Variants in PPP1R21 observed in about 807,000 individuals in gnomAD.
PPP1R21 encodes the protein KLRAQ motif containing 1.
PPP1R21 carries 85 observed loss-of-function variants against 112.8 expected under a neutral mutation model. The observed-to-expected ratio is 0.75, with a 90% CI of 0.63 to 0.90. The LOEUF (loss-of-function observed/expected upper bound fraction) is 0.90, where lower values mean the gene tolerates loss of function less well. Among genes scored for constraint, PPP1R21 ranks in the 40% least tolerant of loss-of-function variants. The probability of loss-of-function intolerance (pLI) is 0.00; values close to 1 mark genes in which losing one functional copy is unlikely to be tolerated. For missense variants in PPP1R21, 1,199 were observed against 901.5 expected, an observed-to-expected ratio of 1.33 and a Z score of -4.23; for synonymous variants, 381 against 322.3, an observed-to-expected ratio of 1.18 and a Z score of -1.95.
At chr2:48,451,878 T>G (rs1329873767) in intron 2 of PPP1R21, among the ~76,000 whole-genome samples, 1 of 152,202 alleles carries the variant, frequency 6.6e-6, no homozygotes, top group Non-Finnish European at 1.5e-5. Flanking sequence ...GTGGCTCCAC[T>G]TAGGCAACTA....
chr2:48,447,178 C>A (rs1214211042), intron 1 of PPP1R21, among the ~76,000 whole-genome samples: 1 of 152,162 alleles, frequency 6.6e-6, no homozygotes, highest in Non-Finnish European at 1.5e-5. Flanking sequence ...GAGGCACAGG[C>A]TCTCTATGGG....
rs1186710522 is a variant in PPP1R21 at position 48,458,202 on chromosome 2, A to G, written c.350A>G (p.Glu117Gly). ...GATGAAGATCTGCAAAAGAAGATAG[A>G]AGAGAATGAACGGTTGCATATACAA... The part of the protein sequence containing the change: ...VFDEDLQKKI[E>G]ENERLHIQFF... Residue 117 changes from glutamate (E) to glycine (G), a missense_variant, in exon 4 of 22, where the codon GAA (glutamate) becomes GGA (glycine). Coordinates refer to ENST00000294952, the MANE Select transcript of PPP1R21 (RefSeq NM_001135629.3). The G allele has an allele frequency of 6.8e-6, 11 of 1,611,486 alleles. No homozygotes were observed. Among genetic ancestry groups the G allele is most frequent in the Non-Finnish European group, 9.3e-6 (11 of 1,178,102 alleles).
intron 21 of PPP1R21, among the ~76,000 whole-genome samples, chr2:48,513,991 T>C (rs1670755396): frequency 6.6e-6 from 1 of 152,126 alleles, no homozygotes; most frequent in South Asian, 2.1e-4. Context: ...CGTTTGGGTG[T>C]TAGTTAGCAC....
At chr2:48,478,622 AGTTATAGACCTAGT>A (rs2103884584) in intron 12 of PPP1R21, among the ~76,000 whole-genome samples, 1 of 152,318 alleles carries the variant, frequency 6.6e-6, no homozygotes, top group African/African-American at 2.4e-5. Context: ...TTACGGGTAT[AGTTATAGACCTAGT>A]GTACACCTAG....
Position 48,440,784 on chromosome 2 carries a change from C to A in PPP1R21, c.-170C>A, listed in dbSNP as rs548604397. On this transcript the variant is annotated 5_prime_UTR_variant, in exon 1 of 22. Transcript: ENST00000294952. ...CGGCCCCACTCCACCTTCCTCCCAC[C>A]CCGGGAACCCGGAAGTGGAGGAGGA... The A allele has an allele frequency of 3.7e-4, 229 of 619,894 alleles. No individual in the cohort carries two copies. The highest frequency in any genetic ancestry group is 5.9e-4 in the Non-Finnish European group (205 of 349,282). The allele number at this position is 619,894 out of a possible 1,614,324, so 38.4% of individuals were successfully genotyped here.
At chr2:48,448,596 C>T (rs73927969) in intron 1 of PPP1R21, among the ~76,000 whole-genome samples, 2 of 24,444 alleles carry the variant, frequency 8.2e-5, no homozygotes, top group African/African-American at 2.8e-4. Flanking sequence ...TAAAATCTAA[C>T]GTCTTTAGAT....
intron 15 of PPP1R21, among the ~76,000 whole-genome samples, chr2:48,491,718 G>A (rs1425607969): frequency 6.6e-6 from 1 of 151,964 alleles, no homozygotes; most frequent in Non-Finnish European, 1.5e-5. Context: ...ACTATAAAAA[G>A]CAGAATGTAT....
At chr2:48,505,459 C>T in intron 17 of PPP1R21, 105 bp from the exon 18 acceptor site, 1 of 829,558 alleles carries the variant, frequency 1.2e-6, no homozygotes, top group Non-Finnish European at 2.0e-6. Flanking sequence ...GTTCTGTACC[C>T]TCAATGCTCT....
At chr2:48,443,293 C>T (rs777052886) in intron 1 of PPP1R21, among the ~76,000 whole-genome samples, 15 of 152,104 alleles carry the variant, frequency 9.9e-5, no homozygotes, top group Non-Finnish European at 1.5e-4. Flanking sequence ...AAGAAGAGCC[C>T]GTTCAGAGTG....
intron 21 of PPP1R21, among the ~76,000 whole-genome samples, chr2:48,513,993 A>T (rs1240984731): frequency 1.3e-5 from 2 of 151,690 alleles, no homozygotes; most frequent in African/African-American, 4.8e-5. Flanking sequence ...TTTGGGTGTT[A>T]GTTAGCACAT....
chr2:48,484,273 T>G (rs1669172473), intron 13 of PPP1R21, among the ~76,000 whole-genome samples: 1 of 152,196 alleles, frequency 6.6e-6, no homozygotes, highest in Non-Finnish European at 1.5e-5. Flanking sequence ...TTTGATTTCT[T>G]GGCTCCTTCA....
At chr2:48,498,312 A>AT (rs776149824) in intron 16 of PPP1R21, among the ~76,000 whole-genome samples, 181 bp from the exon 17 acceptor site, 1 of 150,802 alleles carries the variant, frequency 6.6e-6, no homozygotes, top group Non-Finnish European at 1.5e-5. Flanking sequence ...TAATTTCTCG[A>AT]TTTATGGTTG....
At chr2:48,450,662 A>G (rs756907703) in intron 1 of PPP1R21, among the ~76,000 whole-genome samples, 2 of 152,226 alleles carry the variant, frequency 1.3e-5, no homozygotes, top group Admixed American at 6.5e-5. Flanking sequence ...TGGCATATTC[A>G]GTACCATATT....
chr2:48,445,656 A>G (rs1667215041), intron 1 of PPP1R21, among the ~76,000 whole-genome samples: 1 of 152,158 alleles, frequency 6.6e-6, no homozygotes, highest in South Asian at 2.1e-4. Context: ...CCATTCACCT[A>G]GGGGCAGCTA....
At chr2:48,472,684 C>T (rs1668573354) in intron 11 of PPP1R21, among the ~76,000 whole-genome samples, 2 of 151,680 alleles carry the variant, frequency 1.3e-5, no homozygotes. Context: ...CATGGTGGCA[C>T]ATGCCTGTAA....
intron 2 of PPP1R21, among the ~76,000 whole-genome samples, chr2:48,452,825 CA>C (rs1177641981): frequency 6.6e-6 from 1 of 151,886 alleles, no homozygotes; most frequent in East Asian, 1.9e-4. Context: ...TTTTACTAAA[CA>C]AATGTAGGAA....
At chr2:48,492,576 A>G (rs1246380509) in intron 15 of PPP1R21, among the ~76,000 whole-genome samples, 2 of 152,250 alleles carry the variant, frequency 1.3e-5, no homozygotes, top group African/African-American at 2.4e-5. Context: ...TAATACTGCA[A>G]TGGATAGCCT....
chr2:48,442,457 A>G (rs2103718904), intron 1 of PPP1R21, among the ~76,000 whole-genome samples: 1 of 152,310 alleles, frequency 6.6e-6, no homozygotes, highest in Non-Finnish European at 1.5e-5. Flanking sequence ...ATAGCCTCCC[A>G]AAGTAATAAA....
intron 1 of PPP1R21, among the ~76,000 whole-genome samples, chr2:48,444,011 A>G (rs1041933386): frequency 1.3e-5 from 2 of 152,038 alleles, no homozygotes; most frequent in African/African-American, 4.8e-5. Flanking sequence ...GAAAGGTCCC[A>G]TCTCATAATC....
Sources: gnomAD v4.1 joint callset for allele counts (sites outside exome capture counted in the v4.1 genomes callset) on GRCh38, gnomAD v4.1.1 for gene constraint, MANE v1.5 for transcripts, NCBI Gene and HGNC (gene_info 2026-07-23, HGNC 2026-07-21) for gene names.